Variants in CEMIP observed in about 807,000 individuals in gnomAD.
CEMIP encodes cell migration inducing hyaluronidase 1.
In CEMIP, 105 loss-of-function variants were observed where a neutral mutation model predicts 156.9. The ratio of observed to expected loss-of-function variants is 0.67; its 90% CI spans 0.57 to 0.79. The LOEUF (loss-of-function observed/expected upper bound fraction) is 0.79. Among genes scored for constraint, CEMIP ranks in the 30% least tolerant of loss-of-function variants. The probability of loss-of-function intolerance (pLI) is 0.00; values close to 1 mark genes in which losing one functional copy is unlikely to be tolerated. For synonymous variants in CEMIP, 676 were observed against 668.4 expected (o/e 1.01, Z -0.17); for missense variants, 1,457 against 1,769.4 (o/e 0.82, Z 3.17).
chr15:80,783,248 G>C (rs986670388), intron 1 of CEMIP, among the ~76,000 whole-genome samples: 4 of 152,238 alleles, frequency 2.6e-5, no homozygotes, highest in African/African-American at 9.6e-5. Context: ...TAGCTCAAAA[G>C]AGAAATGCAA....
At position 80,906,447 on chromosome 15, in the gene CEMIP, G is replaced by C. The variant is rs1899806677; in HGVS notation, c.1412-216G>C. The stretch of plus-strand genomic sequence containing the variant: ...GGACAATTAGCCATTTCTGCCAAAG[G>C]CTTCAGACCTAAGCCTGTGTAACTG... On this transcript the variant is annotated intron_variant, in intron 12 of 29. Coordinates refer to ENST00000394685, the MANE Select transcript of CEMIP (RefSeq NM_001293298.2). This position sits in a 1 kb window ranked among gnomAD's most constrained non-coding sequence, Gnocchi z 4.3. Among the ~76,000 whole-genome samples, 1 of 152,198 alleles carries C rather than the reference G, an allele frequency of 6.6e-6. No individual in the cohort carries two copies. Among genetic ancestry groups the C allele is most frequent in the African/African-American group, 2.4e-5 (1 of 41,452 alleles).
intron 23 of CEMIP, 73 bp from the exon 24 acceptor site, chr15:80,936,601 A>T: frequency 7.5e-7 from 1 of 1,328,748 alleles, no homozygotes; most frequent in Non-Finnish European, 1.1e-6. Context: ...CTATAGTCAG[A>T]TGTTAGCCAG....
intron 26 of CEMIP, 24 bp from the exon 27 acceptor site, chr15:80,942,227 C>T (rs899749060): frequency 2.5e-6 from 4 of 1,593,694 alleles, no homozygotes; most frequent in Middle Eastern, 1.7e-4. Flanking sequence ...CTAACAATTA[C>T]ATTGGGTTCT....
At chr15:80,792,032 T>C (rs1896094891) in intron 1 of CEMIP, among the ~76,000 whole-genome samples, 1 of 152,214 alleles carries the variant, frequency 6.6e-6, no homozygotes, top group Non-Finnish European at 1.5e-5. Flanking sequence ...TCATCAGACA[T>C]TTGGGTGATT....
At chr15:80,879,465 T>C (rs1898571369) in intron 4 of CEMIP, among the ~76,000 whole-genome samples, 1 of 152,150 alleles carries the variant, frequency 6.6e-6, no homozygotes, top group African/African-American at 2.4e-5. Flanking sequence ...AATATGCAAA[T>C]ACTATGCCAT....
At chr15:80,908,130 G>C (rs1027017374) in intron 13 of CEMIP, among the ~76,000 whole-genome samples, 3 of 152,214 alleles carry the variant, frequency 2.0e-5, no homozygotes, top group African/African-American at 7.2e-5. Flanking sequence ...CCTGGGTATA[G>C]GGTGGGGCAG....
At position 80,928,932 on chromosome 15, in the gene CEMIP, G is replaced by A; in HGVS notation, c.2451G>A (p.Leu817=). The stretch of plus-strand genomic sequence containing the variant: ...CTGACAATGGCATTGGCCTGACCCT[G>A]GCCAGGTAAGGGCAACTGTCATTGT... ...RFADNGIGLT[L]ASGGTFPYDD... The change falls in exon 20 of 30, where the codon CTG becomes CTA. Residue 817 remains leucine, a synonymous_variant. Coordinates refer to ENST00000394685, the MANE Select transcript of CEMIP (RefSeq NM_001293298.2). 1 of 1,614,196 alleles carries A rather than the reference G, an allele frequency of 6.2e-7. No individual in the cohort carries two copies. Among genetic ancestry groups the A allele is most frequent in the Non-Finnish European group, 8.5e-7 (1 of 1,180,038 alleles).
At position 80,878,702 on chromosome 15, in the gene CEMIP, ATC is replaced by A; in HGVS notation, c.95-13_95-12del. On this transcript the variant is annotated splice_polypyrimidine_tract_variant and intron_variant, in intron 3 of 29. Transcript: ENST00000394685. ...GAGGCTGGTAGATGGGAGCAGTGAC[ATC>A]TCTCTGTCCTTGGCAGTGGCTGCTG... The A allele has an allele frequency of 3.7e-6, 6 of 1,614,064 alleles. No individual in the cohort carries two copies. Among genetic ancestry groups the A allele is most frequent in the African/African-American group, 1.3e-5 (1 of 75,004 alleles).
intron 6 of CEMIP, among the ~76,000 whole-genome samples, chr15:80,883,681 G>A (rs1027158978): frequency 6.6e-6 from 1 of 152,164 alleles, no homozygotes; most frequent in Non-Finnish European, 1.5e-5. Flanking sequence ...CTGCTCTAGG[G>A]GTGGGAGAAG....
chr15:80,944,531 T>C (rs960688634), intron 28 of CEMIP, among the ~76,000 whole-genome samples: 3 of 152,194 alleles, frequency 2.0e-5, no homozygotes, highest in African/African-American at 7.2e-5. Context: ...TAAACATTAA[T>C]AGTTATTAAA....
intron 1 of CEMIP, among the ~76,000 whole-genome samples, chr15:80,813,295 G>C (rs1266646588): frequency 1.3e-5 from 2 of 151,872 alleles, no homozygotes; most frequent in Non-Finnish European, 2.9e-5. Flanking sequence ...TGTTCAGCAA[G>C]TGTTAGCTGC....
At chr15:80,806,118 A>G (rs189870739) in intron 1 of CEMIP, among the ~76,000 whole-genome samples, 6 of 152,366 alleles carry the variant, frequency 3.9e-5, no homozygotes, top group Admixed American at 3.9e-4. Flanking sequence ...GAGCAACCAG[A>G]ATATCTTATA....
At chr15:80,823,202 C>T (rs528554741) in intron 1 of CEMIP, among the ~76,000 whole-genome samples, 1 of 152,164 alleles carries the variant, frequency 6.6e-6, no homozygotes, top group African/African-American at 2.4e-5. Flanking sequence ...CTGTTTACAC[C>T]CCTGGGGAGT....
At chr15:80,818,274 A>C (rs909543608) in intron 1 of CEMIP, among the ~76,000 whole-genome samples, 1 of 152,140 alleles carries the variant, frequency 6.6e-6, no homozygotes, top group Non-Finnish European at 1.5e-5. Context: ...GGCAGAGGAG[A>C]GGGAGCATGG....
At chr15:80,934,376 G>A (rs963872132) in intron 23 of CEMIP, among the ~76,000 whole-genome samples, 1 of 152,224 alleles carries the variant, frequency 6.6e-6, no homozygotes. Flanking sequence ...ATGAGGGACA[G>A]GGCAGGTCTA....
At chr15:80,883,003 G>A (rs1018556757) in intron 6 of CEMIP, among the ~76,000 whole-genome samples, 10 of 152,146 alleles carry the variant, frequency 6.6e-5, no homozygotes, top group African/African-American at 2.4e-4. Context: ...TGGAGGGTGC[G>A]AGGTTAGGTG....
At chr15:80,883,320 A>C (rs543119955) in intron 6 of CEMIP, among the ~76,000 whole-genome samples, 1 of 152,162 alleles carries the variant, frequency 6.6e-6, no homozygotes, top group Non-Finnish European at 1.5e-5. Flanking sequence ...TATTTCATGG[A>C]TATTTTACGT....
At chr15:80,840,777 G>A (rs144311819) in intron 1 of CEMIP, among the ~76,000 whole-genome samples, 1 of 152,188 alleles carries the variant, frequency 6.6e-6, no homozygotes, top group Non-Finnish European at 1.5e-5. Context: ...GTCCTAGGGG[G>A]TCCAGGACAG....
At chr15:80,850,188 G>T (rs1204664008) in intron 1 of CEMIP, among the ~76,000 whole-genome samples, 4 of 152,188 alleles carry the variant, frequency 2.6e-5, no homozygotes, top group African/African-American at 9.7e-5. Flanking sequence ...GGTCGGAGAG[G>T]TGTCTTTGGC....
Sources: gnomAD v4.1 joint callset for allele counts (sites outside exome capture counted in the v4.1 genomes callset) on GRCh38, gnomAD v4.1.1 for gene constraint, Gnocchi (gnomAD v3.1) non-coding constraint, MANE v1.5 for transcripts, NCBI Gene and HGNC (gene_info 2026-07-23, HGNC 2026-07-21) for gene names.